Variants in SLC6A6 observed in about 807,000 individuals in gnomAD.
The protein encoded by SLC6A6 is solute carrier family 6 member 6, also known as sodium- and chloride-dependent taurine transporter.
Under a neutral mutation model 68.8 loss-of-function variants are expected in SLC6A6, and 16 were observed. The ratio of observed to expected loss-of-function variants is 0.23; its 90% CI spans 0.16 to 0.35. SLC6A6 has a LOEUF of 0.35. Among genes scored for constraint, SLC6A6 ranks in the 10% least tolerant of loss-of-function variants. SLC6A6 has a pLI of 1.00. For missense variants in SLC6A6, 474 were observed against 802.8 expected (o/e 0.59, Z 4.95); for synonymous variants, 312 against 315.4 (o/e 0.99, Z 0.12).
chr3:14,416,812 A>T (rs1294684509), intron 2 of SLC6A6, among the ~76,000 whole-genome samples: 1 of 152,164 alleles, frequency 6.6e-6, no homozygotes, highest in African/African-American at 2.4e-5. Context: ...GATTCTGAGG[A>T]TTGGGGTCTG....
At chr3:14,419,434 C>A (rs185777387) in intron 2 of SLC6A6, among the ~76,000 whole-genome samples, 28 of 152,308 alleles carry the variant, frequency 1.8e-4, no homozygotes, top group Middle Eastern at 3.4e-3. Flanking sequence ...GTTAGTTGTT[C>A]AGCAGAGCCT....
At chr3:14,448,755 G>T (rs1700189600) in intron 5 of SLC6A6, among the ~76,000 whole-genome samples, 1 of 152,242 alleles carries the variant, frequency 6.6e-6, no homozygotes, top group Admixed American at 6.5e-5. Context: ...AAGGTGGGAT[G>T]TGGAGTCCTG....
rs1699008269 is a variant in SLC6A6, at chr3:14,402,619, T to G, written c.-282T>G. The G allele has an allele frequency of 2.5e-6, 1 of 397,384 alleles. No homozygotes were observed. Among genetic ancestry groups the G allele is most frequent in the African/African-American group, 2.1e-5 (1 of 48,338 alleles). 24.6% of individuals were successfully genotyped at this position (397,384 alleles called of 1,614,324 possible). ...ATGGGTGATGCTGAGAGCTGCCTGC[T>G]CAGACAACAGACACGCGAGGTCAGG... On this transcript the variant is annotated 5_prime_UTR_variant, in exon 1 of 15. Coordinates refer to ENST00000622186, the MANE Select transcript of SLC6A6 (RefSeq NM_003043.6). The surrounding 1 kb of genome is among the most constrained non-coding windows in gnomAD (Gnocchi z 4.8).
At chr3:14,465,110 C>A (rs1428599246) in intron 6 of SLC6A6, among the ~76,000 whole-genome samples, 1 of 152,192 alleles carries the variant, frequency 6.6e-6, no homozygotes, top group South Asian at 2.1e-4. Flanking sequence ...AGTGCCCTGC[C>A]TGAAACACTA....
At chr3:14,416,264 G>A (rs6800581) in intron 1 of SLC6A6, 148 bp from the exon 2 acceptor site, 4,049 of 395,086 alleles carry the variant, frequency 0.01, 149 homozygotes, top group African/African-American at 0.077. Flanking sequence ...GTGAGCCTCA[G>A]CGTCCTGGCC....
chr3:14,471,130 C>CTTTTTTTTTTTTTTTTTTTTTTTTT (rs754511089), intron 9 of SLC6A6, among the ~76,000 whole-genome samples: 1 of 83,124 alleles, frequency 1.2e-5, no homozygotes, highest in Non-Finnish European at 2.3e-5. Flanking sequence ...TGCTTCTTGA[C>CTTTTTTTTTTTTTTTTTTTTTTTTT]TTTTTTTTTT....
At chr3:14,433,050 C>T (rs1028047442) in intron 2 of SLC6A6, among the ~76,000 whole-genome samples, 2 of 151,912 alleles carry the variant, frequency 1.3e-5, no homozygotes, top group African/African-American at 4.8e-5. Flanking sequence ...GTTTCTTTAA[C>T]AAAACGAGCC....
intron 3 of SLC6A6, chr3:14,444,205 C>G (rs555265891): frequency 7.9e-6 from 2 of 254,678 alleles, no homozygotes; most frequent in African/African-American, 4.4e-5. Context: ...CTTATCTGTC[C>G]GCCATATCTA....
At chr3:14,409,341 T>C (rs1307300294) in intron 1 of SLC6A6, among the ~76,000 whole-genome samples, 1 of 152,128 alleles carries the variant, frequency 6.6e-6, no homozygotes, top group East Asian at 1.9e-4. Context: ...CCCCGGAGGG[T>C]GCAGAGGAGC....
chr3:14,478,912 G>A (rs1700944403), intron 12 of SLC6A6, 173 bp from the exon 13 acceptor site: 2 of 606,334 alleles, frequency 3.3e-6, no homozygotes, highest in East Asian at 2.8e-5. Flanking sequence ...AAAAATACAA[G>A]ATGCAGAGTT....
At chr3:14,436,531 C>CTTTTTTTTTTTTTTTTTT (rs58996264) in intron 2 of SLC6A6, among the ~76,000 whole-genome samples, 3 of 112,464 alleles carry the variant, frequency 2.7e-5, no homozygotes, top group East Asian at 3.3e-4. Flanking sequence ...CAACAACTCC[C>CTTTTTTTTTTTTTTTTTT]TTTTTTTTTT....
rs201235328 is a variant in SLC6A6, at chr3:14,443,971, C to G, written c.229+108C>G. The G allele has an allele frequency of 1.9e-4, 146 of 752,552 alleles. 1 individual carries two copies. The highest frequency in any genetic ancestry group is 1.5e-3 in the Admixed American group (69 of 44,550). 46.6% of individuals were successfully genotyped at this position (752,552 alleles called of 1,614,324 possible). On this transcript the variant is annotated intron_variant, in intron 3 of 14. Coordinates refer to ENST00000622186, the MANE Select transcript of SLC6A6 (RefSeq NM_003043.6). ...CCTCTCTTTCCCTGCTTTCCCTGGC[C>G]CCCCCCCTTGACCTCCATGAGGTCA...
At chr3:14,423,554 T>G (rs12492202) in intron 2 of SLC6A6, among the ~76,000 whole-genome samples, 2 of 152,142 alleles carry the variant, frequency 1.3e-5, no homozygotes, top group Admixed American at 6.5e-5. Context: ...AGAAGTACAG[T>G]GACCTGCTCA....
At chr3:14,442,343 A>T (rs1452419468) in intron 2 of SLC6A6, among the ~76,000 whole-genome samples, 1 of 152,138 alleles carries the variant, frequency 6.6e-6, no homozygotes, top group Non-Finnish European at 1.5e-5. Flanking sequence ...CATCCTTTTT[A>T]TTCTGCAGAT....
chr3:14,481,621 A>AC lies in SLC6A6; in HGVS notation c.1552-44dup, dbSNP rs753863847. The AC allele has an allele frequency of 6.0e-5, 39 of 654,958 alleles. No homozygotes were observed. The highest frequency in any genetic ancestry group is 8.9e-5 in the Non-Finnish European group (34 of 380,124). The allele number at this position is 654,958 out of a possible 1,614,324, so 40.6% of individuals were successfully genotyped here. A position where few individuals can be genotyped will look rare whatever the true frequency, so the allele number is the denominator to read the frequency against. ...CCAGTCCTAGTCCCAGAAGCCCCCC[A>AC]CCCCCCGATGCCCAGGACCCCTCTC... On this transcript the variant is annotated intron_variant, in intron 13 of 14. Transcript: ENST00000622186. The surrounding 1 kb of genome is among the most constrained non-coding windows in gnomAD (Gnocchi z 4.7).
intron 6 of SLC6A6, among the ~76,000 whole-genome samples, chr3:14,462,765 GTC>G (rs1316541097): frequency 2.6e-5 from 4 of 152,138 alleles, no homozygotes; most frequent in Admixed American, 2.6e-4. Flanking sequence ...TATGCACGAT[GTC>G]TCTCAGCAAA....
Position 14,472,253 on chromosome 3 carries a change from C to G in SLC6A6, c.1145C>G (p.Pro382Arg). Residue 382 changes from proline to arginine, a missense_variant, in exon 10 of 15, where the codon CCG becomes CGG. By Grantham distance (103) the Pro-to-Arg change is moderately radical (BLOSUM62 -2). Around this residue, in one of 2 missense-constraint regions of SLC6A6, gnomAD observed 280 missense variants for 533.1 expected, o/e 0.53. Transcript: ENST00000622186. The surrounding 1 kb of genome is among the most constrained non-coding windows in gnomAD (Gnocchi z 4.5). ...TACCCAAAAGCTGTGACAATGATGC[C>G]GCTGCCCACATTTTGGTCCATTCTT... is the stretch of plus-strand genomic sequence containing the variant. ...IAYPKAVTMM[P>R]LPTFWSILFF... 1 of 1,613,974 alleles carries G rather than the reference C, an allele frequency of 6.2e-7. No homozygotes were observed. The highest frequency in any genetic ancestry group is 8.5e-7 in the Non-Finnish European group (1 of 1,179,836).
At chr3:14,471,130 CTTTTTTT>C (rs754511089) in intron 9 of SLC6A6, among the ~76,000 whole-genome samples, 1 of 83,124 alleles carries the variant, frequency 1.2e-5, no homozygotes, top group Non-Finnish European at 2.3e-5. Flanking sequence ...TGCTTCTTGA[CTTTTTTT>C]TTTTTTTTTT....
chr3:14,422,178 G>A (rs978868158), intron 2 of SLC6A6, among the ~76,000 whole-genome samples: 1 of 152,168 alleles, frequency 6.6e-6, no homozygotes, highest in African/African-American at 2.4e-5. Context: ...CCCTGGGGCT[G>A]CAGACAGCCT....
Sources: allele counts gnomAD v4.1 joint callset (sites outside exome capture counted in the v4.1 genomes callset), GRCh38; gene constraint gnomAD v4.1.1; regional missense constraint gnomAD v4.1.1; non-coding constraint Gnocchi (gnomAD v3.1); transcripts MANE v1.5; gene names NCBI Gene and HGNC (gene_info 2026-07-23, HGNC 2026-07-21).